Variants in MCF2 observed in about 807,000 individuals in gnomAD.
MCF2 encodes MCF.2 cell line derived transforming sequence, also known as proto-oncogene DBL.
Under a neutral mutation model 82.5 loss-of-function variants are expected in MCF2, and 44 were observed. The ratio of observed to expected loss-of-function variants is 0.53; its 90% CI spans 0.42 to 0.69. The LOEUF is 0.69. Among genes scored for constraint, MCF2 ranks in the 30% least tolerant of loss-of-function variants. The pLI, the probability that MCF2 is intolerant of heterozygous loss-of-function variation, is 0.00. For synonymous variants in MCF2, 217 were observed against 224.9 expected, an observed-to-expected ratio of 0.96 and a Z score of 0.32; for missense variants, 623 against 663.1, an observed-to-expected ratio of 0.94 and a Z score of 0.66.
exon 10 of MCF2, chrX:139,615,005 T>C (rs769035405): frequency 1.7e-6 from 2 of 1,209,690 alleles, no homozygotes; most frequent in South Asian, 1.8e-5. Context: ...GGTTCTCAAA[T>C]ATACTTCGAA....
intron 1 of MCF2, among the ~76,000 whole-genome samples, chrX:139,635,759 C>A (rs1374103784): frequency 1.8e-5 from 2 of 111,282 alleles, no homozygotes; most frequent in African/African-American, 6.5e-5. Flanking sequence ...GGGGTATATG[C>A]AAAGGTTACA....
intron 1 of MCF2, among the ~76,000 whole-genome samples, chrX:139,707,543 G>A (rs1376655404): frequency 9.0e-6 from 1 of 111,516 alleles, no homozygotes; most frequent in Non-Finnish European, 1.9e-5. Flanking sequence ...AAAAGAACTG[G>A]ACACAAATAA....
chrX:139,654,289 A>T (rs1012286823), intron 1 of MCF2, among the ~76,000 whole-genome samples: 1 of 110,887 alleles, frequency 9.0e-6, no homozygotes, highest in African/African-American at 3.3e-5. Flanking sequence ...CTTTCCCCAC[A>T]CCCTCACCAG....
At chrX:139,696,334 T>TTCTC (rs1935380718) in intron 1 of MCF2, among the ~76,000 whole-genome samples, 1 of 85,163 alleles carries the variant, frequency 1.2e-5, no homozygotes, top group African/African-American at 4.9e-5. Flanking sequence ...TCCTTCCTTC[T>TTCTC]TTCTCTTCTC....
chrX:139,700,132 G>A (rs1172677990), intron 1 of MCF2, among the ~76,000 whole-genome samples: 4 of 111,765 alleles, frequency 3.6e-5, no homozygotes, highest in Non-Finnish European at 7.5e-5. Flanking sequence ...GCATGAGAAC[G>A]AAGTTGTGAT....
At chrX:139,628,803 CT>C (rs1484144756) in intron 4 of MCF2, among the ~76,000 whole-genome samples, 1 of 111,731 alleles carries the variant, frequency 9.0e-6, no homozygotes, top group Non-Finnish European at 1.9e-5. Context: ...CCAAAAAATA[CT>C]TGCTGATTAT....
At chrX:139,613,403 G>C in intron 10 of MCF2, 140 bp from the exon 14 acceptor site, 1 of 433,263 alleles carries the variant, frequency 2.3e-6, no homozygotes, top group East Asian at 3.9e-5. Context: ...CTCAACCCAA[G>C]GTGTACCACT....
chrX:139,600,323 A>G lies in MCF2; in HGVS notation c.1837-1825T>C, dbSNP rs148684445. 7.2e-5 allele frequency among the ~76,000 whole-genome samples: 8 copies of G among 111,730 alleles called. No individual in the cohort carries two copies. In the East Asian group the frequency reaches 2.0e-3, roughly 28 times the overall value. ...CTCAATAAAGCTGTTACAAGAAGAA[A>G]ATAAATGGCATGAAAATCTAAACAA... On this transcript the variant is annotated intron_variant, in intron 16 of 24. Transcript: ENST00000370576.
At chrX:139,585,129 T>C (rs1175930769) in exon 24 of MCF2, 1 of 1,204,599 alleles carries the variant, frequency 8.3e-7, no homozygotes, top group Non-Finnish European at 1.1e-6. Flanking sequence ...TGCTTGACCA[T>C]TCCGCAGGTT....
At chrX:139,613,182 G>C in intron 10 of MCF2, 34 bp downstream of exon 14, 2 of 1,042,620 alleles carry the variant, frequency 1.9e-6, no homozygotes, top group Non-Finnish European at 2.6e-6. Context: ...TCAGAAAAAT[G>C]TATTGGCAAA....
At chrX:139,640,822 A>G (rs1933515778) in intron 1 of MCF2, among the ~76,000 whole-genome samples, 1 of 110,870 alleles carries the variant, frequency 9.0e-6, no homozygotes, top group Non-Finnish European at 1.9e-5. Flanking sequence ...CTGTTCCTAC[A>G]TATCACTTAA....
At chrX:139,610,272 T>A (rs779948831) in intron 11 of MCF2, 29 bp downstream of exon 15, 3 of 1,046,692 alleles carry the variant, frequency 2.9e-6, no homozygotes, top group East Asian at 6.3e-5. Flanking sequence ...AGCAATAAAG[T>A]CAATTTTGAA....
intron 24 of MCF2, among the ~76,000 whole-genome samples, chrX:139,583,276 C>T (rs932881212): frequency 8.9e-6 from 1 of 111,838 alleles, no homozygotes; most frequent in African/African-American, 3.2e-5. Context: ...ACTTTTTAAA[C>T]AAAAATCTTA....
chrX:139,609,370 C>T (rs947617489), intron 11 of MCF2, among the ~76,000 whole-genome samples: 6 of 111,640 alleles, frequency 5.4e-5, no homozygotes, highest in African/African-American at 1.3e-4. Flanking sequence ...CATAGCAAGA[C>T]CCTGTCTATC....
chrX:139,588,936 A>C (rs1716493012), intron 20 of MCF2, among the ~76,000 whole-genome samples: 2 of 111,036 alleles, frequency 1.8e-5, no homozygotes. Context: ...TCTCAAAAAA[A>C]AAAAATCCAT....
rs770965054 is a variant in MCF2 at position 139,658,226 on chromosome X, A to C, written c.-44-6438T>G. 2.7e-5 allele frequency among the ~76,000 whole-genome samples: 3 copies of C among 111,608 alleles called. No homozygotes were observed. The South Asian group carries it at 1.1e-3, about 42-fold the overall frequency. Reference sequence around the variant, plus strand: ...GGATTTGTTTATATTTTTTACCTTAAGAATATGTAAAAGTTCATCTTCAAT... The same window carrying C: ...GGATTTGTTTATATTTTTTACCTTACGAATATGTAAAAGTTCATCTTCAAT... On this transcript the variant is annotated intron_variant, in intron 1 of 27. Transcript: ENST00000414978.
chrX:139,587,864 C>A, intron 21 of MCF2, 76 bp from the exon 26 acceptor site: 1 of 562,084 alleles, frequency 1.8e-6, no homozygotes, highest in Admixed American at 2.5e-5. Context: ...GACTTTCTCT[C>A]TCTCACACAC....
chrX:139,632,519 T>A, intron 1 of MCF2, 65 bp from the exon 5 acceptor site: 1 of 944,160 alleles, frequency 1.1e-6, no homozygotes, highest in Non-Finnish European at 1.4e-6. Context: ...ACTGAGCACA[T>A]ATCAGAAAAT....
intron 1 of MCF2, chrX:139,692,077 T>C (rs762293042): frequency 5.4e-5 from 63 of 1,163,497 alleles, no homozygotes; most frequent in Non-Finnish European, 5.0e-5. Flanking sequence ...CCTGGGATCC[T>C]GCCGCAGGAC....
Sources: allele counts gnomAD v4.1 joint callset (sites outside exome capture counted in the v4.1 genomes callset), GRCh38; gene constraint gnomAD v4.1.1; transcripts MANE v1.5; gene names NCBI Gene and HGNC (gene_info 2026-07-23, HGNC 2026-07-21).